NCK1: variants seen among roughly 807,000 people sequenced by gnomAD.
NCK1 encodes SH2/SH3 adapter protein NCK1.
A neutral mutation model predicts 36.6 loss-of-function variants in NCK1; 19 were observed. The observed-to-expected ratio is 0.52, with a 90% CI of 0.36 to 0.76. NCK1 has a LOEUF of 0.76. Ranked by LOEUF, NCK1 falls within the 30% of genes least tolerant of loss-of-function variation. NCK1 has a pLI of 0.00. For missense variants in NCK1, 358 were observed against 445.6 expected (o/e 0.80, Z 1.77); for synonymous variants, 165 against 156.0 (o/e 1.06, Z -0.43).
intron 3 of NCK1, among the ~76,000 whole-genome samples, chr3:136,947,924 G>T (rs970890070): frequency 7.2e-5 from 11 of 152,084 alleles, no homozygotes; most frequent in African/African-American, 2.7e-4. Context: ...GATAGCTCTT[G>T]TTCTTCAAAT....
In NCK1 at chr3:136,950,004, A is replaced by C. The variant is rs1388638211; in HGVS notation, c.*1551A>C. Among the ~76,000 whole-genome samples the C allele has an allele frequency of 4.6e-5, 7 of 152,086 alleles. No homozygotes were observed. Among genetic ancestry groups the C allele is most frequent in the Non-Finnish European group, 8.8e-5 (6 of 67,940 alleles). On this transcript the variant is annotated 3_prime_UTR_variant, in exon 4 of 4. Coordinates refer to ENST00000481752, the MANE Select transcript of NCK1 (RefSeq NM_001291999.2). ...ATTACATCTGCTTTTAAAACATTTTAGTTCATATTCTATTATTTTTCTAAC... is the reference window on the plus strand; with the variant it reads ...ATTACATCTGCTTTTAAAACATTTTCGTTCATATTCTATTATTTTTCTAAC...
Position 136,943,394 on chromosome 3 carries a change from G to GTT in NCK1, c.227-2187_227-2186dup, listed in dbSNP as rs757704723. 3.2e-4 allele frequency among the ~76,000 whole-genome samples: 49 copies of GTT among 152,342 alleles called. 1 individual carries two copies. Among genetic ancestry groups the GTT allele is most frequent in the Non-Finnish European group, 6.2e-4 (42 of 68,032 alleles). On this transcript the variant is annotated intron_variant, in intron 2 of 3. Coordinates refer to ENST00000481752, the MANE Select transcript of NCK1 (RefSeq NM_001291999.2). ...ATTTTTATTTGGACATGAGTGTTGG[G>GTT]TTTGAGGTACTGATGGCACAATCTG...
At chr3:136,874,688 T>TC (rs1330179543) in intron 1 of NCK1, among the ~76,000 whole-genome samples, 1 of 152,206 alleles carries the variant, frequency 6.6e-6, no homozygotes, top group Admixed American at 6.5e-5. Flanking sequence ...ATCTTTTTTT[T>TC]CCCTTTCCAT....
chr3:136,905,622 A>T (rs1170362123), intron 1 of NCK1, among the ~76,000 whole-genome samples: 3 of 151,712 alleles, frequency 2.0e-5, no homozygotes, highest in Non-Finnish European at 2.9e-5. Context: ...GGGATTTCAT[A>T]AATTTCTTTT....
At chr3:136,867,635 G>A (rs529632494) in intron 1 of NCK1, 3 of 151,986 alleles carry the variant, frequency 2.0e-5, no homozygotes, top group African/African-American at 7.2e-5. Context: ...GAATTATAGA[G>A]CATTATTGCT....
intron 1 of NCK1, among the ~76,000 whole-genome samples, chr3:136,891,335 A>G (rs1939238985): frequency 6.6e-6 from 1 of 152,132 alleles, no homozygotes; most frequent in South Asian, 2.1e-4. Flanking sequence ...GGGTTTCGCC[A>G]TGTTGGTCAG....
chr3:136,883,214 C>T (rs545899078), intron 1 of NCK1, among the ~76,000 whole-genome samples: 1 of 152,320 alleles, frequency 6.6e-6, no homozygotes, highest in East Asian at 1.9e-4. Context: ...AGCCCCCATG[C>T]CCAGCCTACT....
At chr3:136,898,812 A>G (rs1939459793) in intron 1 of NCK1, among the ~76,000 whole-genome samples, 1 of 152,240 alleles carries the variant, frequency 6.6e-6, no homozygotes, top group African/African-American at 2.4e-5. Context: ...GACTTCCTCC[A>G]TGTCAAACTG....
chr3:136,941,232 A>G (rs1251342628), intron 2 of NCK1, among the ~76,000 whole-genome samples: 1 of 149,608 alleles, frequency 6.7e-6, no homozygotes, highest in Admixed American at 6.7e-5. Context: ...TTCAAGCGAC[A>G]CTTATATGTC....
chr3:136,944,159 G>A (rs983791093), intron 2 of NCK1, among the ~76,000 whole-genome samples: 3 of 124,142 alleles, frequency 2.4e-5, no homozygotes, highest in Non-Finnish European at 4.8e-5. Flanking sequence ...TTGCCCTGTC[G>A]CCAGGCTGGA....
At chr3:136,934,818 C>G (rs1241019514) in intron 2 of NCK1, among the ~76,000 whole-genome samples, 1 of 152,100 alleles carries the variant, frequency 6.6e-6, no homozygotes, top group Non-Finnish European at 1.5e-5. Context: ...TATTTTATTA[C>G]TAAAGAGTAG....
intron 1 of NCK1, among the ~76,000 whole-genome samples, chr3:136,870,534 A>G (rs1938583268): frequency 6.6e-6 from 1 of 151,460 alleles, no homozygotes; most frequent in African/African-American, 2.4e-5. Context: ...GAAATGCTTG[A>G]TCATTTGCAA....
At chr3:136,940,623 C>A (rs1454635543) in intron 2 of NCK1, among the ~76,000 whole-genome samples, 1 of 152,142 alleles carries the variant, frequency 6.6e-6, no homozygotes, top group Non-Finnish European at 1.5e-5. Flanking sequence ...CGGCTCACTG[C>A]AACCTCCGCC....
At chr3:136,929,480 G>A (rs1384968148) in intron 2 of NCK1, among the ~76,000 whole-genome samples, 1 of 152,118 alleles carries the variant, frequency 6.6e-6, no homozygotes, top group African/African-American at 2.4e-5. Context: ...ATACTTTTGG[G>A]TTTTGTGATT....
At chr3:136,913,732 G>A (rs1255534015) in intron 1 of NCK1, among the ~76,000 whole-genome samples, 4 of 152,154 alleles carry the variant, frequency 2.6e-5, no homozygotes, top group Non-Finnish European at 4.4e-5. Context: ...GCAGTGGCGC[G>A]ATCTCGGCCC....
intron 2 of NCK1, among the ~76,000 whole-genome samples, chr3:136,942,162 G>T (rs1489112147): frequency 6.6e-6 from 1 of 152,150 alleles, no homozygotes; most frequent in African/African-American, 2.4e-5. Context: ...CTTAGCACAG[G>T]TCTGGTAGTG....
rs1031506328 is a variant in NCK1 at position 136,864,230 on chromosome 3, C to T, written c.-19+1877C>T. Among the ~76,000 whole-genome samples the T allele has an allele frequency of 1.0e-4, 15 of 148,600 alleles. No homozygotes were observed. The East Asian group carries it at 3.1e-3, about 31-fold the overall frequency. ...AATGTTGGCCGGGCTCGGTGGCTCACGCCTGTAATCCCAGCACTTTGGGAG... is the reference window on the plus strand; with the variant it reads ...AATGTTGGCCGGGCTCGGTGGCTCATGCCTGTAATCCCAGCACTTTGGGAG... On this transcript the variant is annotated intron_variant, in intron 1 of 3. Coordinates refer to ENST00000481752, the MANE Select transcript of NCK1 (RefSeq NM_001291999.2).
In NCK1 at chr3:136,910,862, T is replaced by C. The variant is rs894227110; in HGVS notation, c.-18-17122T>C. Reference sequence around the variant, plus strand: ...TGACTGGAATCACTGTGCTGTGCAATAGGCCTCAAAGCTTATTCCTCCTCT... The same window carrying C: ...TGACTGGAATCACTGTGCTGTGCAACAGGCCTCAAAGCTTATTCCTCCTCT... On this transcript the variant is annotated intron_variant, in intron 1 of 3. Transcript: ENST00000481752. Among the ~76,000 whole-genome samples, 43 of 152,190 alleles carry C rather than the reference T, an allele frequency of 2.8e-4. 1 individual carries two copies. Among genetic ancestry groups the C allele is most frequent in the Non-Finnish European group, 7.4e-5 (5 of 68,024 alleles).
intron 1 of NCK1, among the ~76,000 whole-genome samples, chr3:136,907,228 G>C (rs1186716254): frequency 6.6e-6 from 1 of 152,088 alleles, no homozygotes. Flanking sequence ...AGTGTAGGGA[G>C]ACAGTTGCTG....
Sources: allele counts gnomAD v4.1 joint callset (sites outside exome capture counted in the v4.1 genomes callset), GRCh38; gene constraint gnomAD v4.1.1; transcripts MANE v1.5; gene names NCBI Gene and HGNC (gene_info 2026-07-23, HGNC 2026-07-21).